The following ECHDC1 variants were observed in gnomAD, a reference collection of about 807,000 sequenced individuals.
ECHDC1 encodes the protein ethylmalonyl-CoA decarboxylase.
ECHDC1 carries 29 observed loss-of-function variants against 29.7 expected under a neutral mutation model. The observed-to-expected ratio is 0.98, with a 90% CI of 0.73 to 1.33. ECHDC1 has a LOEUF of 1.33. ECHDC1 is among the 40% of genes most tolerant of loss of function. ECHDC1 has a pLI of 0.00. For missense variants in ECHDC1, 328 were observed against 350.0 expected, an observed-to-expected ratio of 0.94 and a Z score of 0.50; for synonymous variants, 126 against 123.1, an observed-to-expected ratio of 1.02 and a Z score of -0.15.
At chr6:127,315,045 G>A in intron 4 of ECHDC1, 149 bp from the exon 5 acceptor site, 1 of 750,170 alleles carries the variant, frequency 1.3e-6, no homozygotes, top group Non-Finnish European at 2.4e-6. Flanking sequence ...GATAGCAGAA[G>A]CTTGAACCTT....
chr6:127,342,633 T>C (rs1028912291), intron 1 of ECHDC1: 14 of 419,448 alleles, frequency 3.3e-5, no homozygotes, highest in Non-Finnish European at 5.6e-5. Flanking sequence ...TGCATACCTC[T>C]AGCACCTAGA....
At chr6:127,336,312 A>T (rs1170325893) in intron 1 of ECHDC1, among the ~76,000 whole-genome samples, 1 of 152,164 alleles carries the variant, frequency 6.6e-6, no homozygotes, top group Non-Finnish European at 1.5e-5. Flanking sequence ...ATATACTTAA[A>T]TAATAGATTA....
intron 5 of ECHDC1, among the ~76,000 whole-genome samples, chr6:127,309,625 C>T (rs976487894): frequency 2.0e-5 from 3 of 152,038 alleles, no homozygotes; most frequent in African/African-American, 4.8e-5. Context: ...GGTCACTGTA[C>T]TTGGCAAAAA....
chr6:127,309,793 C>T (rs147516430), intron 5 of ECHDC1, among the ~76,000 whole-genome samples: 2,135 of 152,232 alleles, frequency 0.014, 49 homozygotes, highest in African/African-American at 0.047. Context: ...ACAATCATGG[C>T]AGAAGGCGAA....
chr6:127,334,329 G>A (rs1784242790), intron 1 of ECHDC1, among the ~76,000 whole-genome samples: 1 of 152,012 alleles, frequency 6.6e-6, no homozygotes. Flanking sequence ...AATCAACCCA[G>A]TCTCCTTCTC....
At chr6:127,331,923 G>T in intron 1 of ECHDC1, 1 of 971,624 alleles carries the variant, frequency 1.0e-6, no homozygotes, top group African/African-American at 1.8e-5. Flanking sequence ...TGTTCCCCAA[G>T]GTTCTGTCAC....
intron 5 of ECHDC1, among the ~76,000 whole-genome samples, chr6:127,290,742 G>A (rs886819420): frequency 5.3e-5 from 8 of 152,066 alleles, no homozygotes; most frequent in Non-Finnish European, 1.2e-4. Flanking sequence ...AGTGCCAGGT[G>A]GTGGTTTAGG....
chr6:127,314,092 C>T (rs1004706869), intron 5 of ECHDC1, among the ~76,000 whole-genome samples: 2 of 152,086 alleles, frequency 1.3e-5, no homozygotes, highest in African/African-American at 4.8e-5. Context: ...TATTTACTAC[C>T]TTTTGCATTA....
chr6:127,295,077 T>C (rs981988173), intron 5 of ECHDC1, among the ~76,000 whole-genome samples: 3 of 151,928 alleles, frequency 2.0e-5, no homozygotes, highest in Non-Finnish European at 2.9e-5. Flanking sequence ...GCCTCCCAAG[T>C]AGCTGGGATT....
At chr6:127,302,959 A>C (rs987077065) in intron 5 of ECHDC1, among the ~76,000 whole-genome samples, 2 of 152,038 alleles carry the variant, frequency 1.3e-5, no homozygotes, top group Non-Finnish European at 2.9e-5. Context: ...ATATAAAATA[A>C]CTTTTTTTTA....
intron 2 of ECHDC1, among the ~76,000 whole-genome samples, chr6:127,327,983 T>C (rs914859308): frequency 9.2e-5 from 14 of 152,232 alleles, no homozygotes; most frequent in African/African-American, 3.4e-4. Flanking sequence ...TAGAAGCCAA[T>C]GTATAAAGAT....
In ECHDC1 at chr6:127,289,820, A is replaced by G; in HGVS notation, c.*49T>C. The G allele has an allele frequency of 1.3e-6, 2 of 1,500,758 alleles. No homozygotes were observed. Among genetic ancestry groups the G allele is most frequent in the Non-Finnish European group, 1.8e-6 (2 of 1,111,288 alleles). The allele number at this position is 1,500,758 out of a possible 1,614,324, so 93.0% of individuals were successfully genotyped here. Reference sequence around the variant, plus strand: ...ATTTAATATCATTTAACATTTATACATATTAGTCACTGGAGCTTTACTTGG... The same window carrying G: ...ATTTAATATCATTTAACATTTATACGTATTAGTCACTGGAGCTTTACTTGG... On this transcript the variant is annotated 3_prime_UTR_variant, in exon 6 of 6. Coordinates refer to ENST00000454859, the MANE Select transcript of ECHDC1 (RefSeq NM_001002030.2).
intron 3 of ECHDC1, among the ~76,000 whole-genome samples, chr6:127,322,431 A>T (rs1279725873): frequency 6.6e-6 from 1 of 152,226 alleles, no homozygotes; most frequent in Non-Finnish European, 1.5e-5. Context: ...TACAGCAACA[A>T]GTGACGAACA....
rs73582030 is a variant in ECHDC1 at position 127,323,305 on chromosome 6, T to A, written c.363+3697A>T. On this transcript the variant is annotated intron_variant, in intron 3 of 5. Transcript: ENST00000454859. Reference sequence around the variant, plus strand: ...AATGACTTGCAGGTGACATAGCTAATTATTAGATCTTGGAGGGAAAAATCC... The same window carrying A: ...AATGACTTGCAGGTGACATAGCTAAATATTAGATCTTGGAGGGAAAAATCC... Among the ~76,000 whole-genome samples the A allele has an allele frequency of 3.9e-3, 589 of 152,196 alleles. 7 individuals are homozygous for A. The highest frequency in any genetic ancestry group is 0.013 in the African/African-American group (557 of 41,554).
At position 127,316,619 on chromosome 6, in the gene ECHDC1, ACATTT is replaced by A. The variant is rs1782404931; in HGVS notation, c.364-122_364-118del. ...AAAAATATGTCTTTTTTAAACAATG[ACATTT>A]CCATTTAAAACTCTTTGATGTTGTC... On this transcript the variant is annotated intron_variant, in intron 3 of 5. Coordinates refer to ENST00000454859, the MANE Select transcript of ECHDC1 (RefSeq NM_001002030.2). 1.4e-5 allele frequency: 11 copies of A among 767,184 alleles called. No individual in the cohort carries two copies. In the South Asian group the frequency reaches 1.9e-4, roughly 13 times the overall value. 47.5% of individuals were successfully genotyped at this position (767,184 alleles called of 1,614,324 possible).
chr6:127,290,061 C>T lies in ECHDC1; in HGVS notation c.714G>A (p.Glu238=), dbSNP rs773067991. 5.0e-6 allele frequency: 8 copies of T among 1,613,532 alleles called. No homozygotes were observed. In the Admixed American group the frequency reaches 1.3e-4, roughly 27 times the overall value. Reference sequence around the variant, plus strand: ...TGAATTGCTTTAGCCATTCTTGTGCCTCTTCTAGAGATTTAGTTTCATCTG... The same window carrying T: ...TGAATTGCTTTAGCCATTCTTGTGCTTCTTCTAGAGATTTAGTTTCATCTG... ...QSSDETKSLE[E]AQEWLKQFIQ... The change falls in exon 6 of 6, where the codon GAG becomes GAA. Residue 238 remains glutamate, a synonymous_variant. Transcript: ENST00000454859.
chr6:127,329,547 T>C (rs747853853), intron 2 of ECHDC1, among the ~76,000 whole-genome samples: 9 of 152,198 alleles, frequency 5.9e-5, no homozygotes, highest in Non-Finnish European at 1.2e-4. Context: ...CAAAGTCTAA[T>C]AAGGTAGTCA....
In ECHDC1 at chr6:127,314,904, T is replaced by C. The variant is rs755694377; in HGVS notation, c.417-8A>G. On this transcript the variant is annotated splice_polypyrimidine_tract_variant and splice_region_variant and intron_variant, in intron 4 of 5. Coordinates refer to ENST00000454859, the MANE Select transcript of ECHDC1 (RefSeq NM_001002030.2). ...ACACTTATTAAAGGAAGTCTGTATA[T>C]TGAAGAAAAAACTGATGTTACTATT... 1.2e-6 allele frequency: 2 copies of C among 1,609,802 alleles called. No individual in the cohort carries two copies. The highest frequency in any genetic ancestry group is 1.7e-6 in the Non-Finnish European group (2 of 1,177,758).
At chr6:127,340,639 T>C (rs1784849991) in intron 1 of ECHDC1, among the ~76,000 whole-genome samples, 1 of 151,512 alleles carries the variant, frequency 6.6e-6, no homozygotes, top group Non-Finnish European at 1.5e-5. Context: ...TACAACCCAA[T>C]GAAGCAGATA....
Sources: allele counts gnomAD v4.1 joint callset (sites outside exome capture counted in the v4.1 genomes callset), GRCh38; gene constraint gnomAD v4.1.1; transcripts MANE v1.5; gene names NCBI Gene and HGNC (gene_info 2026-07-23, HGNC 2026-07-21).